The following PTPRM variants were observed in gnomAD, a reference collection of about 807,000 sequenced individuals.
PTPRM encodes the protein receptor-type tyrosine-protein phosphatase mu.
A neutral mutation model predicts 186.7 loss-of-function variants in PTPRM; 47 were observed. The ratio of observed to expected loss-of-function variants is 0.25; its 90% CI spans 0.20 to 0.32. The LOEUF (loss-of-function observed/expected upper bound fraction) is 0.32, where lower values mean the gene tolerates loss of function less well. PTPRM is among the 10% of genes least tolerant of loss of function. The probability of loss-of-function intolerance (pLI) is 1.00; values close to 1 mark genes in which losing one functional copy is unlikely to be tolerated. For synonymous variants in PTPRM, 668 were observed against 674.9 expected, an observed-to-expected ratio of 0.99 and a Z score of 0.16; for missense variants, 1,494 against 1,865.0, an observed-to-expected ratio of 0.80 and a Z score of 3.66.
intron 22 of PTPRM, 83 bp downstream of exon 22, chr18:8,319,297 G>T: frequency 1.0e-6 from 1 of 978,832 alleles, no homozygotes; most frequent in South Asian, 1.5e-5. Flanking sequence ...CCCTCCTTCA[G>T]GAAGATATTG....
intron 19 of PTPRM, among the ~76,000 whole-genome samples, chr18:8,257,068 G>C (rs1243626309): frequency 6.6e-6 from 1 of 152,186 alleles, no homozygotes; most frequent in Non-Finnish European, 1.5e-5. Flanking sequence ...AATGACTGTA[G>C]TTTGTCCAGT....
chr18:8,224,512 C>A (rs965453264), intron 14 of PTPRM, among the ~76,000 whole-genome samples: 3 of 152,134 alleles, frequency 2.0e-5, no homozygotes, highest in African/African-American at 7.2e-5. Context: ...TTGGAAAAAC[C>A]AGATTGCCCA....
At chr18:7,836,166 T>G (rs2046038325) in intron 2 of PTPRM, among the ~76,000 whole-genome samples, 1 of 152,112 alleles carries the variant, frequency 6.6e-6, no homozygotes, top group Admixed American at 6.6e-5. Context: ...TGTGATCTTC[T>G]CTTATTTCTT....
intron 12 of PTPRM, 142 bp downstream of exon 12, chr18:8,113,901 T>A: frequency 2.1e-6 from 2 of 961,780 alleles, no homozygotes; most frequent in Non-Finnish European, 2.9e-6. Context: ...CTCTTAAAAT[T>A]ATTTTTGTCT....
chr18:7,961,576 C>G (rs1472683058), intron 7 of PTPRM, among the ~76,000 whole-genome samples: 1 of 152,184 alleles, frequency 6.6e-6, no homozygotes, highest in East Asian at 1.9e-4. Flanking sequence ...TTCTTTATGA[C>G]TTAGGGAAAT....
chr18:8,168,429 T>C (rs769558397), intron 14 of PTPRM, among the ~76,000 whole-genome samples: 2 of 152,318 alleles, frequency 1.3e-5, no homozygotes, highest in Non-Finnish European at 2.9e-5. Flanking sequence ...AAAATTAAAG[T>C]TAGCAAAAAT....
rs534059004 is a variant in PTPRM at position 7,739,885 on chromosome 18, CTT to C, written c.74-34263_74-34262del. On this transcript the variant is annotated intron_variant, in intron 1 of 32. Transcript: ENST00000580170. ...GGAAAGTGGCTCCATCTGTGTGTCT[CTT>C]AGAGTATTTACCACTTTGTATTTCC... Among the ~76,000 whole-genome samples the C allele has an allele frequency of 1.3e-4, 20 of 152,270 alleles. 1 individual carries two copies. The South Asian group carries it at 4.2e-3, about 32-fold the overall frequency.
chr18:7,888,202 A>G lies in PTPRM; in HGVS notation c.293A>G (p.Asp98Gly). 1 of 1,614,040 alleles carries G rather than the reference A, an allele frequency of 6.2e-7. No homozygotes were observed. The highest frequency in any genetic ancestry group is 1.3e-5 in the African/African-American group (1 of 75,002). Reference sequence around the variant, plus strand: ...AAAGAAAATGACACCCACTGCATCGATTTTCACTATTTTGTGTCCAGCAAG... The same window carrying G: ...AAAGAAAATGACACCCACTGCATCGGTTTTCACTATTTTGTGTCCAGCAAG... ...QLKENDTHCI[D>G]FHYFVSSKSN... The change falls in exon 3 of 33, where the codon GAT (aspartate) becomes GGT (glycine). Residue 98 changes from aspartate (D) to glycine (G), a missense_variant. Asp to Gly is a moderately conservative substitution (Grantham distance 94). This residue lies in a region of PTPRM where 296 missense variants were observed against 345.5 expected (regional missense o/e 0.86). Coordinates refer to ENST00000580170, the MANE Select transcript of PTPRM (RefSeq NM_001105244.2).
chr18:8,187,129 G>C (rs184199938), intron 14 of PTPRM, among the ~76,000 whole-genome samples: 1 of 152,210 alleles, frequency 6.6e-6, no homozygotes, highest in Non-Finnish European at 1.5e-5. Context: ...TAGCAGAGAA[G>C]GGTTTTCACC....
At chr18:8,275,488 G>A (rs929654054) in intron 19 of PTPRM, among the ~76,000 whole-genome samples, 5 of 152,220 alleles carry the variant, frequency 3.3e-5, no homozygotes, top group East Asian at 1.9e-4. Context: ...ACTCTGTTGC[G>A]TTTAGAGCTT....
chr18:8,210,537 C>G (rs1413312070), intron 14 of PTPRM, among the ~76,000 whole-genome samples: 1 of 152,122 alleles, frequency 6.6e-6, no homozygotes, highest in African/African-American at 2.4e-5. Context: ...TTTCTGGGCT[C>G]TAGAACTGTG....
chr18:7,864,552 C>G (rs978731284), intron 2 of PTPRM, among the ~76,000 whole-genome samples: 1 of 152,104 alleles, frequency 6.6e-6, no homozygotes, highest in Non-Finnish European at 1.5e-5. Context: ...TTCCATTAGT[C>G]TATATATCTG....
chr18:8,150,493 T>C (rs551380630), intron 14 of PTPRM, among the ~76,000 whole-genome samples: 2 of 152,306 alleles, frequency 1.3e-5, no homozygotes, highest in East Asian at 3.9e-4. Flanking sequence ...TTTTCAGCTC[T>C]ATGAGGTCAT....
chr18:8,011,326 G>T (rs2084514812), intron 7 of PTPRM, among the ~76,000 whole-genome samples: 1 of 152,220 alleles, frequency 6.6e-6, no homozygotes, highest in South Asian at 2.1e-4. Flanking sequence ...TGCTGGGAGG[G>T]TGCAGGCAAG....
rs142050586 is a variant in PTPRM, at chr18:8,117,850, G to A, written c.2167+3023G>A. On this transcript the variant is annotated intron_variant, in intron 13 of 32. Coordinates refer to ENST00000580170, the MANE Select transcript of PTPRM (RefSeq NM_001105244.2). ...TTAATTGTATAGTGGAGTGAATAGA[G>A]TAGCTTTTAAATATTTCTTAAAATC... is the stretch of plus-strand genomic sequence containing the variant. 3.7e-3 allele frequency among the ~76,000 whole-genome samples: 557 copies of A among 152,316 alleles called. 3 individuals are homozygous for A. The highest frequency in any genetic ancestry group is 0.012 in the African/African-American group (516 of 41,570).
At chr18:8,356,399 C>G (rs901780044) in intron 23 of PTPRM, among the ~76,000 whole-genome samples, 3 of 152,154 alleles carry the variant, frequency 2.0e-5, no homozygotes, top group Non-Finnish European at 4.4e-5. Flanking sequence ...AGGGAAGGGA[C>G]CCTGAGTGCA....
At chr18:7,636,563 C>G (rs2038318319) in intron 1 of PTPRM, among the ~76,000 whole-genome samples, 1 of 152,062 alleles carries the variant, frequency 6.6e-6, no homozygotes, top group Admixed American at 6.6e-5. Flanking sequence ...AAAATGTAAG[C>G]AAGGTGGGCT....
chr18:7,678,168 C>T (rs1024885218), intron 1 of PTPRM, among the ~76,000 whole-genome samples: 5 of 151,990 alleles, frequency 3.3e-5, no homozygotes, highest in East Asian at 1.9e-4. Context: ...GTGATTGTCC[C>T]GGATAAAGGA....
chr18:7,745,647 T>C (rs2040970817), intron 1 of PTPRM, among the ~76,000 whole-genome samples: 2 of 152,168 alleles, frequency 1.3e-5, no homozygotes, highest in South Asian at 4.1e-4. Flanking sequence ...CATATGTACT[T>C]GGCAGAAGAC....
Sources: allele counts gnomAD v4.1 joint callset (sites outside exome capture counted in the v4.1 genomes callset), GRCh38; gene constraint gnomAD v4.1.1; regional missense constraint gnomAD v4.1.1; transcripts MANE v1.5; gene names NCBI Gene and HGNC (gene_info 2026-07-23, HGNC 2026-07-21).